ACAN: variants seen among roughly 807,000 people sequenced by gnomAD.
ACAN encodes aggrecan.
ACAN carries 47 observed loss-of-function variants against 169.1 expected under a neutral mutation model. The ratio of observed to expected loss-of-function variants is 0.28; its 90% confidence interval spans 0.22 to 0.35. The LOEUF (loss-of-function observed/expected upper bound fraction) is 0.35, where lower values mean the gene tolerates loss of function less well. ACAN is among the 10% of genes least tolerant of loss of function. The pLI is 1.00. For missense variants in ACAN, 2,716 were observed against 2,759.9 expected (o/e 0.98, Z 0.36); for synonymous variants, 1,115 against 1,112.2 (o/e 1.00, Z -0.05).
chr15:88,817,890 A>G (rs1184997998), intron 1 of ACAN, among the ~76,000 whole-genome samples: 1 of 151,838 alleles, frequency 6.6e-6, no homozygotes, highest in Non-Finnish European at 1.5e-5. Context: ...GAAAAGGAAA[A>G]AAAAGAAAAA....
chr15:88,845,738 T>C lies in ACAN; in HGVS notation c.1285T>C (p.Phe429Leu), dbSNP rs975263307. ...TFAPEIGATA[F>L]AEVENETGEA... Reference sequence around the variant, plus strand: ...TGCCCCTGAAATAGGGGCCACTGCCTTCGCTGAGGTTGAGAATGAGACTGG... The same window carrying C: ...TGCCCCTGAAATAGGGGCCACTGCCCTCGCTGAGGTTGAGAATGAGACTGG... The change falls in exon 7 of 19, where the codon TTC becomes CTC. Residue 429 changes from phenylalanine to leucine, a missense_variant. Physicochemically the swap from Phe to Leu is conservative, Grantham distance 22. Around this residue, in one of 3 missense-constraint regions of ACAN, gnomAD observed 1,283 missense variants for 1,281.5 expected, o/e 1.00. Transcript: ENST00000560601. The C allele has an allele frequency of 6.2e-7, 1 of 1,613,504 alleles. No homozygotes were observed. Among genetic ancestry groups the C allele is most frequent in the African/African-American group, 1.3e-5 (1 of 74,946 alleles).
At chr15:88,805,101 C>T (rs1009801977) in intron 1 of ACAN, among the ~76,000 whole-genome samples, 2 of 152,176 alleles carry the variant, frequency 1.3e-5, no homozygotes, top group African/African-American at 2.4e-5. Context: ...GTCGGTCCCT[C>T]GTCCTGATTT....
At chr15:88,805,187 G>A (rs1018160682) in intron 1 of ACAN, among the ~76,000 whole-genome samples, 6 of 152,254 alleles carry the variant, frequency 3.9e-5, no homozygotes, top group Admixed American at 3.3e-4. Flanking sequence ...GGAGCAATCA[G>A]GTTGCTCATG....
At chr15:88,825,529 G>C (rs1260644689) in intron 1 of ACAN, among the ~76,000 whole-genome samples, 5 of 152,186 alleles carry the variant, frequency 3.3e-5, no homozygotes, top group Admixed American at 6.5e-5. Flanking sequence ...ACCTTCTAGT[G>C]TACCATGTTA....
At chr15:88,853,748 A>G (rs1485702638) in intron 11 of ACAN, among the ~76,000 whole-genome samples, 1 of 125,690 alleles carries the variant, frequency 8.0e-6, no homozygotes, top group Non-Finnish European at 1.8e-5. Flanking sequence ...ATAGATAGAT[A>G]GATAGATACA....
intron 1 of ACAN, among the ~76,000 whole-genome samples, chr15:88,815,648 G>A (rs1268017948): frequency 2.0e-5 from 2 of 101,180 alleles, no homozygotes; most frequent in Non-Finnish European, 3.7e-5. Flanking sequence ...GAAATGTTCT[G>A]CACTGATTAA....
Position 88,857,712 on chromosome 15 carries a change from C to A in ACAN, c.5127C>A (p.Leu1709=). 4 of 1,613,956 alleles carry A rather than the reference C, an allele frequency of 2.5e-6. No homozygotes were observed. Among genetic ancestry groups the A allele is most frequent in the Non-Finnish European group, 3.4e-6 (4 of 1,179,900 alleles). Residue 1709 remains leucine (L), a synonymous_variant, in exon 12 of 19, where the codon CTC becomes CTA. Coordinates refer to ENST00000560601, the MANE Select transcript of ACAN (RefSeq NM_001369268.1). The part of the protein sequence containing the change: ...ELDISGRASG[L]PSGTELSGQA... ...ACATTAGTGGGAGAGCTAGTGGACT[C>A]CCTTCAGGAACTGAACTCAGTGGCC...
At chr15:88,835,266 A>C (rs574522022) in intron 1 of ACAN, among the ~76,000 whole-genome samples, 31 of 152,274 alleles carry the variant, frequency 2.0e-4, no homozygotes, top group African/African-American at 7.5e-4. Flanking sequence ...AGTTGGTGGC[A>C]GGCCCAAGTT....
At chr15:88,813,555 A>G (rs1184541202) in intron 1 of ACAN, among the ~76,000 whole-genome samples, 1 of 152,150 alleles carries the variant, frequency 6.6e-6, no homozygotes, top group Non-Finnish European at 1.5e-5. Flanking sequence ...GTTCGTGATG[A>G]CTCAAACATC....
At chr15:88,859,537 G>C in intron 12 of ACAN, 120 bp downstream of exon 12, 7 of 1,380,324 alleles carry the variant, frequency 5.1e-6, no homozygotes, top group East Asian at 2.5e-5. Flanking sequence ...AAGGTTAGCT[G>C]TGCAGCCTCA....
chr15:88,829,020 G>A (rs1896294523), intron 1 of ACAN, among the ~76,000 whole-genome samples: 1 of 152,176 alleles, frequency 6.6e-6, no homozygotes, highest in Non-Finnish European at 1.5e-5. Context: ...GTATGGCCTT[G>A]AAGGGTTTAT....
At chr15:88,836,403 C>G in intron 2 of ACAN, 127 bp downstream of exon 2, 1 of 806,888 alleles carries the variant, frequency 1.2e-6, no homozygotes, top group Non-Finnish European at 2.1e-6. Context: ...CTTTTCCTGG[C>G]CCCACCCTTC....
At chr15:88,864,454 A>G (rs1897250713) in intron 13 of ACAN, among the ~76,000 whole-genome samples, 2 of 152,090 alleles carry the variant, frequency 1.3e-5, no homozygotes, top group African/African-American at 4.8e-5. Flanking sequence ...TATTTAGTAG[A>G]TGGGATTTCA....
chr15:88,860,877 C>T (rs899923713), intron 13 of ACAN, among the ~76,000 whole-genome samples: 3 of 151,994 alleles, frequency 2.0e-5, no homozygotes, highest in African/African-American at 7.3e-5. Flanking sequence ...CTTGGGTCTG[C>T]GTGGGGTTTG....
intron 1 of ACAN, among the ~76,000 whole-genome samples, chr15:88,835,295 A>C (rs545212543): frequency 1.2e-3 from 184 of 152,246 alleles, no homozygotes; most frequent in African/African-American, 4.2e-3. Flanking sequence ...GATGTTGAGC[A>C]ACTCATCACT....
At chr15:88,826,972 A>G (rs1394521875) in intron 1 of ACAN, among the ~76,000 whole-genome samples, 1 of 152,224 alleles carries the variant, frequency 6.6e-6, no homozygotes, top group African/African-American at 2.4e-5. Flanking sequence ...GACTTTGGGC[A>G]CGTTGTCTAA....
At chr15:88,832,041 T>C (rs1176569139) in intron 1 of ACAN, among the ~76,000 whole-genome samples, 2 of 152,166 alleles carry the variant, frequency 1.3e-5, no homozygotes, top group African/African-American at 2.4e-5. Context: ...TTGAAAGTTC[T>C]TGAGTACAAT....
chr15:88,825,376 T>C (rs1896188217), intron 1 of ACAN, among the ~76,000 whole-genome samples: 2 of 152,176 alleles, frequency 1.3e-5, no homozygotes, highest in African/African-American at 2.4e-5. Flanking sequence ...TCTGTATCTC[T>C]TCTCCTAACT....
Position 88,838,631 on chromosome 15 carries a change from G to T in ACAN, c.71-32G>T. On this transcript the variant is annotated intron_variant, in intron 2 of 18. Coordinates refer to ENST00000560601, the MANE Select transcript of ACAN (RefSeq NM_001369268.1). This position sits in a 1 kb window ranked among gnomAD's most constrained non-coding sequence, Gnocchi z 5.1. ...GGGTGGTCCTCTCTAGGCACTAACA[G>T]GTCTCTCTTCTACCCCACCTCTCCC... 1 of 1,550,088 alleles carries T rather than the reference G, an allele frequency of 6.5e-7. No homozygotes were observed. The highest frequency in any genetic ancestry group is 8.7e-7 in the Non-Finnish European group (1 of 1,145,290).
Sources: gnomAD v4.1 joint callset for allele counts (sites outside exome capture counted in the v4.1 genomes callset) on GRCh38, gnomAD v4.1.1 for gene constraint, gnomAD v4.1.1 regional missense constraint, Gnocchi (gnomAD v3.1) non-coding constraint, MANE v1.5 for transcripts, NCBI Gene and HGNC (gene_info 2026-07-23, HGNC 2026-07-21) for gene names.